Variants in PRR27 observed in about 807,000 individuals in gnomAD.
The protein encoded by PRR27 is proline rich 27.
In PRR27, 12 loss-of-function variants were observed where a neutral mutation model predicts 16.8. The ratio of observed to expected loss-of-function variants is 0.71; its 90% CI spans 0.46 to 1.16. PRR27 has a LOEUF of 1.16. PRR27 is among the 50% of genes most tolerant of loss of function. PRR27 has a pLI of 0.00. For synonymous variants in PRR27, 100 were observed against 98.4 expected, an observed-to-expected ratio of 1.02 and a Z score of -0.10; for missense variants, 277 against 273.3, an observed-to-expected ratio of 1.01 and a Z score of -0.10.
chr4:70,157,867 A>G (rs566725462), intron 2 of PRR27, among the ~76,000 whole-genome samples: 4 of 152,314 alleles, frequency 2.6e-5, no homozygotes, highest in South Asian at 4.1e-4. Flanking sequence ...GTTGAGAAAG[A>G]TAAGTCTGGA....
At position 70,158,644 on chromosome 4, in the gene PRR27, C is replaced by A. The variant is rs755251020; in HGVS notation, c.392C>A (p.Ala131Asp). ...GCACCCGCTGCCCCACCTATTGCAGCTGAGCCTGCTGCAGCTGCACCTCTT... is the reference window on the plus strand; with the variant it reads ...GCACCCGCTGCCCCACCTATTGCAGATGAGCCTGCTGCAGCTGCACCTCTT... Reference protein sequence around the residue: ...AAAPAAPPIAAEPAAAAPLTA... With the variant: ...AAAPAAPPIADEPAAAAPLTA... Residue 131 changes from alanine (A) to aspartate (D), a missense_variant, in exon 3 of 5, where the codon GCT becomes GAT. Coordinates refer to ENST00000344526, the MANE Select transcript of PRR27 (RefSeq NM_214711.4). 6.2e-7 allele frequency: 1 copy of A among 1,614,050 alleles called. No homozygotes were observed. The highest frequency in any genetic ancestry group is 1.1e-5 in the South Asian group (1 of 91,078).
Position 70,163,931 on chromosome 4 carries a change from C to T in PRR27, c.*1270C>T, listed in dbSNP as rs1338104292. The stretch of plus-strand genomic sequence containing the variant: ...CAAATATGTTGGTTTTGATCTTATC[C>T]AAGAACCTTTGCCCTGATGTATGAA... On this transcript the variant is annotated 3_prime_UTR_variant, in exon 5 of 5. Transcript: ENST00000344526. 2 of 150,652 alleles carry T rather than the reference C, an allele frequency of 1.3e-5. No individual in the cohort carries two copies. The highest frequency in any genetic ancestry group is 2.9e-5 in the Non-Finnish European group (2 of 67,806). 9.3% of individuals were successfully genotyped at this position (150,652 alleles called of 1,614,324 possible). A position where few individuals can be genotyped will look rare whatever the true frequency, so the allele number is the denominator to read the frequency against.
intron 3 of PRR27, among the ~76,000 whole-genome samples, chr4:70,159,725 G>A (rs1728593899): frequency 6.6e-6 from 1 of 152,084 alleles, no homozygotes; most frequent in Admixed American, 6.6e-5. Flanking sequence ...GCTTTATTCT[G>A]GAATGCTATT....
chr4:70,161,546 T>A (rs1035864044), intron 3 of PRR27, 40 bp from the exon 4 acceptor site: 1 of 1,326,376 alleles, frequency 7.5e-7, no homozygotes, highest in Non-Finnish European at 1.1e-6. Flanking sequence ...AAAGTACATT[T>A]GATTGTTTAT....
At chr4:70,155,937 C>CA (rs1463148166) in intron 1 of PRR27, 117 bp from the exon 2 acceptor site, 7 of 638,508 alleles carry the variant, frequency 1.1e-5, no homozygotes, top group Admixed American at 3.5e-5. Flanking sequence ...ACTCAAATTT[C>CA]AAAAAAATTA....
intron 4 of PRR27, among the ~76,000 whole-genome samples, 197 bp from the exon 5 acceptor site, chr4:70,162,498 A>G (rs1252581175): frequency 6.9e-6 from 1 of 145,876 alleles, no homozygotes; most frequent in Non-Finnish European, 1.5e-5. Flanking sequence ...AAGATATTAG[A>G]TACACATAAT....
At position 70,158,553 on chromosome 4, in the gene PRR27, G is replaced by C. The variant is rs771443577; in HGVS notation, c.301G>C (p.Val101Leu). The change falls in exon 3 of 5, where the codon GTT (valine) becomes CTT (leucine). Residue 101 changes from valine to leucine, a missense_variant. By Grantham distance (32) the Val-to-Leu change is conservative. Coordinates refer to ENST00000344526, the MANE Select transcript of PRR27 (RefSeq NM_214711.4). ...TTTTCCCTTAGCTACTCAGTTGAAT[G>C]TTCCTCCTCTCCCTCCTAGGGGTTT... ...RGFPLATQLN[V>L]PPLPPRGFPF... 97 of 1,614,118 alleles carry C rather than the reference G, an allele frequency of 6.0e-5. No individual in the cohort carries two copies. In the Admixed American group the frequency reaches 1.5e-3, roughly 26 times the overall value.
intron 2 of PRR27, among the ~76,000 whole-genome samples, chr4:70,156,313 C>G (rs532729692): frequency 6.6e-6 from 1 of 152,172 alleles, no homozygotes; most frequent in Non-Finnish European, 1.5e-5. Flanking sequence ...ATTAAGTGCA[C>G]TCCCTTTGCA....
At position 70,165,288 on chromosome 4, in the gene PRR27, T is replaced by A. The variant is rs1728738840; in HGVS notation, c.*2627T>A. On this transcript the variant is annotated 3_prime_UTR_variant, in exon 5 of 5. Transcript: ENST00000344526. ...GTTGTTAATTATACATTTTAAAGACTATTTTTGGTAAGGTCTATGACACAT... is the reference window on the plus strand; with the variant it reads ...GTTGTTAATTATACATTTTAAAGACAATTTTTGGTAAGGTCTATGACACAT... 1 of 152,108 alleles carries A rather than the reference T, an allele frequency of 6.6e-6. No individual in the cohort carries two copies. Among genetic ancestry groups the A allele is most frequent in the Non-Finnish European group, 1.5e-5 (1 of 67,962 alleles). 9.4% of individuals were successfully genotyped at this position (152,108 alleles called of 1,614,324 possible). A position where few individuals can be genotyped will look rare whatever the true frequency, so the allele number is the denominator to read the frequency against.
rs1394963686 is a variant in PRR27, at chr4:70,155,127, T to C, written c.51+701T>C. Among the ~76,000 whole-genome samples the C allele has an allele frequency of 2.6e-5, 4 of 152,200 alleles. 1 individual carries two copies. The highest frequency in any genetic ancestry group is 5.9e-5 in the Non-Finnish European group (4 of 68,042). ...TTGATACCATTTGCTATTGATGTTATTATCATCCTGTCCAAACTTTAAACT... is the reference window on the plus strand; with the variant it reads ...TTGATACCATTTGCTATTGATGTTACTATCATCCTGTCCAAACTTTAAACT... On this transcript the variant is annotated intron_variant, in intron 1 of 4. Coordinates refer to ENST00000344526, the MANE Select transcript of PRR27 (RefSeq NM_214711.4).
At chr4:70,161,542 C>T (rs777716636) in intron 3 of PRR27, 44 bp from the exon 4 acceptor site, 6 of 1,277,450 alleles carry the variant, frequency 4.7e-6, no homozygotes, top group East Asian at 4.7e-5. Flanking sequence ...AAATAAAGTA[C>T]ATTTGATTGT....
rs1033340998 is a variant in PRR27, at chr4:70,164,760, G to C, written c.*2099G>C. On this transcript the variant is annotated 3_prime_UTR_variant, in exon 5 of 5. Coordinates refer to ENST00000344526, the MANE Select transcript of PRR27 (RefSeq NM_214711.4). ...AGAAAGATGAAGATGAACCGAAATA[G>C]AAATATCAAGAGGCTACAAAGTCTT... 6.6e-6 allele frequency: 1 copy of C among 152,122 alleles called. No individual in the cohort carries two copies. The allele number at this position is 152,122 out of a possible 1,614,324, so 9.4% of individuals were successfully genotyped here. A position where few individuals can be genotyped will look rare whatever the true frequency, so the allele number is the denominator to read the frequency against.
chr4:70,157,788 A>T (rs1283430878), intron 2 of PRR27, among the ~76,000 whole-genome samples: 8 of 152,062 alleles, frequency 5.3e-5, no homozygotes, highest in African/African-American at 1.9e-4. Context: ...CAATCTGCTC[A>T]CCCTCTTAAT....
intron 3 of PRR27, among the ~76,000 whole-genome samples, chr4:70,159,512 T>C (rs900958767): frequency 6.6e-6 from 1 of 152,182 alleles, no homozygotes; most frequent in African/African-American, 2.4e-5. Flanking sequence ...GCTCAGTTCC[T>C]AATATTAGGG....
intron 3 of PRR27, among the ~76,000 whole-genome samples, chr4:70,160,317 G>A (rs1319065595): frequency 1.3e-5 from 2 of 151,696 alleles, no homozygotes; most frequent in Non-Finnish European, 2.9e-5. Flanking sequence ...CATCTTTGTG[G>A]CCTGTTTTCC....
rs549738984 is a variant in PRR27, at chr4:70,158,967, A to T, written c.648+67A>T. The T allele has an allele frequency of 5.1e-5, 70 of 1,373,592 alleles. 1 individual carries two copies. The South Asian group carries it at 9.3e-4, about 18-fold the overall frequency. 85.1% of individuals were successfully genotyped at this position (1,373,592 alleles called of 1,614,324 possible). The stretch of plus-strand genomic sequence containing the variant: ...AGATTTGTAGAAGGGGAAAAAAAAA[A>T]ACCACTCCCCAAGCAAATCTATATC... On this transcript the variant is annotated intron_variant, in intron 3 of 4. Transcript: ENST00000344526.
chr4:70,157,119 C>A (rs1438251615), intron 2 of PRR27, among the ~76,000 whole-genome samples: 2 of 151,980 alleles, frequency 1.3e-5, no homozygotes, highest in Non-Finnish European at 2.9e-5. Flanking sequence ...TATGTCATAC[C>A]TCAGGGGGCT....
chr4:70,159,669 T>TA (rs1728592726), intron 3 of PRR27, among the ~76,000 whole-genome samples: 1 of 152,194 alleles, frequency 6.6e-6, no homozygotes. Context: ...ATAATGTGTA[T>TA]ATGTAGTACA....
chr4:70,162,988 G>A lies in PRR27; in HGVS notation c.*327G>A, dbSNP rs1267904801. 2 of 152,122 alleles carry A rather than the reference G, an allele frequency of 1.3e-5. No homozygotes were observed. The highest frequency in any genetic ancestry group is 4.8e-5 in the African/African-American group (2 of 41,406). The allele number at this position is 152,122 out of a possible 1,614,324, so 9.4% of individuals were successfully genotyped here. ...CTACTATAGGATGATGTTAGTATTG[G>A]TTTTGAGTGCAATAGGTTTTTTCCT... is the stretch of plus-strand genomic sequence containing the variant. On this transcript the variant is annotated 3_prime_UTR_variant, in exon 5 of 5. Coordinates refer to ENST00000344526, the MANE Select transcript of PRR27 (RefSeq NM_214711.4).
Sources: gnomAD v4.1 joint callset for allele counts (sites outside exome capture counted in the v4.1 genomes callset) on GRCh38, gnomAD v4.1.1 for gene constraint, MANE v1.5 for transcripts, NCBI Gene and HGNC (gene_info 2026-07-23, HGNC 2026-07-21) for gene names.